Variants in ANO3 observed in about 807,000 individuals in gnomAD.
The protein encoded by ANO3 is anoctamin-3.
A neutral mutation model predicts 144.8 loss-of-function variants in ANO3; 99 were observed. The ratio of observed to expected loss-of-function variants is 0.68; its 90% confidence interval spans 0.58 to 0.81. ANO3 has a LOEUF of 0.81. Among genes scored for constraint, ANO3 ranks in the 30% least tolerant of loss-of-function variants. ANO3 has a pLI of 0.00. For missense variants in ANO3, 905 were observed against 1,202.2 expected, an observed-to-expected ratio of 0.75 and a Z score of 3.66; for synonymous variants, 414 against 392.6, an observed-to-expected ratio of 1.05 and a Z score of -0.64.
intron 1 of ANO3, among the ~76,000 whole-genome samples, chr11:26,205,926 G>A (rs1343951530): frequency 2.0e-5 from 3 of 152,198 alleles, no homozygotes; most frequent in African/African-American, 7.2e-5. Context: ...GCAAAGGGTA[G>A]AGACAGCAAG....
chr11:26,495,530 A>G (rs1860900526), intron 4 of ANO3, among the ~76,000 whole-genome samples: 1 of 152,136 alleles, frequency 6.6e-6, no homozygotes, highest in Non-Finnish European at 1.5e-5. Context: ...TTCTAACATG[A>G]CTTTATTCAT....
chr11:26,489,624 G>T (rs1228341905), intron 4 of ANO3, among the ~76,000 whole-genome samples: 1 of 152,218 alleles, frequency 6.6e-6, no homozygotes, highest in African/African-American at 2.4e-5. Context: ...GGTGTACCCT[G>T]CAAAGCTACA....
At chr11:26,428,759 G>A (rs1003760692) in intron 1 of ANO3, among the ~76,000 whole-genome samples, 4 of 151,818 alleles carry the variant, frequency 2.6e-5, no homozygotes, top group East Asian at 1.9e-4. Flanking sequence ...GTGTGTATGT[G>A]TTTATCAGTC....
intron 4 of ANO3, among the ~76,000 whole-genome samples, chr11:26,488,724 C>T (rs555837833): frequency 2.6e-5 from 4 of 152,284 alleles, no homozygotes; most frequent in African/African-American, 9.6e-5. Context: ...GTGAGTGTTA[C>T]AGCTTGTAAA....
At chr11:26,280,546 G>A (rs1482565388) in intron 1 of ANO3, among the ~76,000 whole-genome samples, 1 of 152,120 alleles carries the variant, frequency 6.6e-6, no homozygotes, top group East Asian at 1.9e-4. Flanking sequence ...GTCTTCTCAC[G>A]TTCTTCTGCC....
At chr11:26,426,680 T>C (rs1857930286) in intron 1 of ANO3, among the ~76,000 whole-genome samples, 1 of 151,976 alleles carries the variant, frequency 6.6e-6, no homozygotes. Flanking sequence ...GGGAAAGGAG[T>C]GAGCTGCCTT....
chr11:26,307,721 A>AAATAATAATAATAAT (rs56805697), upstream of ANO3, among the ~76,000 whole-genome samples: 359 of 142,502 alleles, frequency 2.5e-3, 2 homozygotes, highest in Admixed American at 5.6e-3. Flanking sequence ...CTCCGTCTCT[A>AAATAATAATAATAAT]AATAATAATA....
chr11:26,255,385 A>G (rs957748078), intron 1 of ANO3, among the ~76,000 whole-genome samples: 1 of 152,144 alleles, frequency 6.6e-6, no homozygotes, highest in South Asian at 2.1e-4. Flanking sequence ...TCCAACTCAG[A>G]TACTTTTTTG....
At chr11:26,355,371 T>G (rs377153408) in intron 1 of ANO3, among the ~76,000 whole-genome samples, 3 of 152,192 alleles carry the variant, frequency 2.0e-5, no homozygotes, top group African/African-American at 7.2e-5. Flanking sequence ...ATTATTCTGC[T>G]GCTGACTTCC....
At chr11:26,459,582 G>GA (rs1484284786) in intron 3 of ANO3, among the ~76,000 whole-genome samples, 1 of 151,468 alleles carries the variant, frequency 6.6e-6, no homozygotes, top group East Asian at 1.9e-4. Flanking sequence ...ACAAAAGTGG[G>GA]AAAAAATGTA....
chr11:26,520,366 A>G (rs1417202726), intron 6 of ANO3, among the ~76,000 whole-genome samples: 1 of 152,202 alleles, frequency 6.6e-6, no homozygotes, highest in Non-Finnish European at 1.5e-5. Flanking sequence ...ATCCAAGGAA[A>G]AAATGAAAAA....
upstream of ANO3, among the ~76,000 whole-genome samples, chr11:26,307,401 G>A (rs1399235128): frequency 6.8e-6 from 1 of 147,042 alleles, no homozygotes. Context: ...TCCAGATGTA[G>A]TTAATAATTT....
intron 4 of ANO3, among the ~76,000 whole-genome samples, chr11:26,482,159 A>G (rs976526434): frequency 6.6e-6 from 1 of 151,760 alleles, no homozygotes; most frequent in African/African-American, 2.4e-5. Context: ...CAGCCATCCA[A>G]AGTTCTGGGG....
At chr11:26,525,152 G>A (rs1021890709) in intron 6 of ANO3, among the ~76,000 whole-genome samples, 1 of 152,000 alleles carries the variant, frequency 6.6e-6, no homozygotes, top group Non-Finnish European at 1.5e-5. Context: ...AGCTTCTTGA[G>A]GGCACAAACT....
intron 1 of ANO3, among the ~76,000 whole-genome samples, chr11:26,381,526 G>A (rs1458980181): frequency 2.0e-5 from 3 of 152,094 alleles, no homozygotes; most frequent in African/African-American, 7.2e-5. Flanking sequence ...AATTATTCAT[G>A]TAGTTATTGA....
intron 17 of ANO3, among the ~76,000 whole-genome samples, chr11:26,601,587 A>G (rs957680672): frequency 3.9e-5 from 6 of 152,264 alleles, no homozygotes; most frequent in African/African-American, 1.4e-4. Context: ...GGTAGTATAT[A>G]TAAGATAGTA....
intron 3 of ANO3, among the ~76,000 whole-genome samples, chr11:26,460,912 G>A (rs571256763): frequency 2.7e-3 from 407 of 152,120 alleles, no homozygotes; most frequent in Middle Eastern, 0.014. Flanking sequence ...CTTGGGAAAA[G>A]GAAATTGCAT....
At chr11:26,341,331 G>GA (rs1855353692) in intron 1 of ANO3, among the ~76,000 whole-genome samples, 1 of 152,076 alleles carries the variant, frequency 6.6e-6, no homozygotes, top group Non-Finnish European at 1.5e-5. Context: ...AGTCATTGTA[G>GA]GAAAGGCAAT....
chr11:26,383,888 CTTTTTTTTTT>C (rs61094091), intron 1 of ANO3, among the ~76,000 whole-genome samples: 2 of 70,172 alleles, frequency 2.9e-5, no homozygotes, highest in African/African-American at 1.1e-4. Context: ...ATGCATTGTT[CTTTTTTTTTT>C]TTTTTTTTTT....
Sources: allele counts gnomAD v4.1 joint callset (sites outside exome capture counted in the v4.1 genomes callset), GRCh38; gene constraint gnomAD v4.1.1; transcripts MANE v1.5; gene names NCBI Gene and HGNC (gene_info 2026-07-23, HGNC 2026-07-21).